Variants in EZH2 observed in about 807,000 individuals in gnomAD.
EZH2 encodes histone-lysine N-methyltransferase EZH2.
A neutral mutation model predicts 98.4 loss-of-function variants in EZH2; 18 were observed. The ratio of observed to expected loss-of-function variants is 0.18; its 90% CI spans 0.13 to 0.27. The LOEUF is 0.27. Ranked by LOEUF, EZH2 falls within the 10% of genes least tolerant of loss-of-function variation. EZH2 has a pLI of 1.00. For missense variants in EZH2, 470 were observed against 935.1 expected, an observed-to-expected ratio of 0.50 and a Z score of 6.49; for synonymous variants, 338 against 312.3, an observed-to-expected ratio of 1.08 and a Z score of -0.87.
At chr7:148,867,389 A>G (rs1818705403) in intron 1 of EZH2, among the ~76,000 whole-genome samples, 1 of 152,202 alleles carries the variant, frequency 6.6e-6, no homozygotes, top group Admixed American at 6.5e-5. Context: ...TTATACCAGC[A>G]CAAAACAGAT....
intron 1 of EZH2, among the ~76,000 whole-genome samples, chr7:148,867,715 T>C (rs1818744037): frequency 6.6e-6 from 1 of 152,226 alleles, no homozygotes; most frequent in Non-Finnish European, 1.5e-5. Flanking sequence ...GGCTGCAAAT[T>C]TTCTAAACTT....
intron 3 of EZH2, 67 bp from the exon 4 acceptor site, chr7:148,832,817 T>G: frequency 2.0e-6 from 2 of 976,726 alleles, no homozygotes; most frequent in Non-Finnish European, 3.1e-6. Context: ...AGCCATCATA[T>G]TGTAAAGAGA....
At chr7:148,816,634 G>T in intron 12 of EZH2, 50 bp downstream of exon 12, 1 of 1,396,582 alleles carries the variant, frequency 7.2e-7, no homozygotes, top group Non-Finnish European at 1.0e-6. Context: ...GGCCTTGCCT[G>T]CAGTGTCTAT....
intron 8 of EZH2, among the ~76,000 whole-genome samples, chr7:148,820,680 G>A (rs886877201): frequency 1.6e-4 from 24 of 152,094 alleles, no homozygotes; most frequent in African/African-American, 5.8e-4. Flanking sequence ...GCTGGATTAC[G>A]TTTGTTAAGG....
intron 11 of EZH2, 192 bp from the exon 12 acceptor site, chr7:148,816,970 T>A: frequency 1.7e-6 from 1 of 596,044 alleles, no homozygotes. Flanking sequence ...AGAACTGTGA[T>A]GCTAAATTTC....
At chr7:148,862,300 G>T (rs1817788573) in intron 1 of EZH2, among the ~76,000 whole-genome samples, 1 of 152,084 alleles carries the variant, frequency 6.6e-6, no homozygotes, top group Non-Finnish European at 1.5e-5. Flanking sequence ...AAAAAGTACT[G>T]GTCCACTGAG....
intron 1 of EZH2, among the ~76,000 whole-genome samples, chr7:148,871,983 C>T (rs1819481317): frequency 1.3e-5 from 2 of 152,184 alleles, no homozygotes; most frequent in Admixed American, 6.5e-5. Context: ...CAAAAGAATT[C>T]AAAGCAGGAT....
intron 8 of EZH2, among the ~76,000 whole-genome samples, chr7:148,825,680 A>G (rs1807495209): frequency 6.6e-6 from 1 of 152,212 alleles, no homozygotes; most frequent in South Asian, 2.1e-4. Flanking sequence ...ACAGGGGAAA[A>G]CGATTTTACA....
rs1426432952 is a variant in EZH2 at position 148,851,334 on chromosome 7, T to TA, written c.-7-4030dup. Among the ~76,000 whole-genome samples the TA allele has an allele frequency of 3.3e-5, 5 of 152,120 alleles. No individual in the cohort carries two copies. The East Asian group carries it at 9.6e-4, about 29-fold the overall frequency. ...AACTCAGTTTCCGGAATTTCTTTTT[T>TA]AAAAGGAAGCTGATATTGCCTTAAA... On this transcript the variant is annotated intron_variant, in intron 1 of 19. Transcript: ENST00000320356.
intron 3 of EZH2, among the ~76,000 whole-genome samples, chr7:148,833,688 T>C (rs534685978): frequency 6.6e-6 from 1 of 152,312 alleles, no homozygotes; most frequent in South Asian, 2.1e-4. Context: ...CTAAGTACTT[T>C]CTATGTGCTA....
At chr7:148,877,707 T>TTACC (rs989533405) in intron 1 of EZH2, among the ~76,000 whole-genome samples, 6 of 152,180 alleles carry the variant, frequency 3.9e-5, no homozygotes, top group African/African-American at 1.2e-4. Flanking sequence ...ATGCATACTA[T>TTACC]TACCACTCTG....
At position 148,829,804 on chromosome 7, in the gene EZH2, A is replaced by G. The variant is rs1201707887; in HGVS notation, c.408T>C (p.Asp136=). 6.2e-7 allele frequency: 1 copy of G among 1,602,084 alleles called. No individual in the cohort carries two copies. Among genetic ancestry groups the G allele is most frequent in the East Asian group, 2.2e-5 (1 of 44,644 alleles). The part of the protein sequence containing the change: ...TVLHNIPYMG[D]EVLDQDGTFI... ...AAGTACCATCCTGATCTAAAACTTC[A>G]TCTCCCATATAAGGAATGTTATGTA... is the stretch of plus-strand genomic sequence containing the variant. Residue 136 remains aspartate (D), a synonymous_variant, in exon 5 of 20, where the codon GAT becomes GAC. Coordinates refer to ENST00000320356, the MANE Select transcript of EZH2 (RefSeq NM_004456.5).
Position 148,829,359 on chromosome 7 carries a change from T to C in EZH2, c.484+369A>G, listed in dbSNP as rs376274504. Among the ~76,000 whole-genome samples, 19 of 152,248 alleles carry C rather than the reference T, an allele frequency of 1.2e-4. No homozygotes were observed. In the East Asian group the frequency reaches 1.5e-3, roughly 12 times the overall value. ...TCCCTAGAGGAGCGGTATTTTTTAG[T>C]AGTAGGGGCTGTTGGAGCCCCTATA... On this transcript the variant is annotated intron_variant, in intron 5 of 19. Transcript: ENST00000320356.
At chr7:148,864,954 C>T (rs1442533404) in intron 1 of EZH2, among the ~76,000 whole-genome samples, 1 of 151,932 alleles carries the variant, frequency 6.6e-6, no homozygotes, top group Non-Finnish European at 1.5e-5. Flanking sequence ...CGGTAAAACC[C>T]CATCTCTACT....
In EZH2 at chr7:148,814,016, A is replaced by G. The variant is rs1803886690; in HGVS notation, c.1794T>C (p.His598=). ...DLCLTCGAAD[H]WDSKNVSCKN... ...TGCAGGACACATTTTTACTGTCCCA[A>G]TGGTCAGCGGCTCCACAAGTAAGAC... Residue 598 remains histidine (H), a synonymous_variant, in exon 15 of 20, where the codon CAT becomes CAC. Coordinates refer to ENST00000320356, the MANE Select transcript of EZH2 (RefSeq NM_004456.5). The G allele has an allele frequency of 3.7e-6, 6 of 1,614,004 alleles. No individual in the cohort carries two copies. Among genetic ancestry groups the G allele is most frequent in the South Asian group, 1.1e-5 (1 of 91,084 alleles).
At chr7:148,855,459 GT>G (rs1816660846) in intron 1 of EZH2, among the ~76,000 whole-genome samples, 1 of 152,196 alleles carries the variant, frequency 6.6e-6, no homozygotes, top group Admixed American at 6.5e-5. Context: ...AGTTGGCCAA[GT>G]TACTGCACAT....
At position 148,814,061 on chromosome 7, in the gene EZH2, T is replaced by C; in HGVS notation, c.1749A>G (p.Arg583=). 5 of 1,614,196 alleles carry C rather than the reference T, an allele frequency of 3.1e-6. No homozygotes were observed. Among genetic ancestry groups the C allele is most frequent in the Admixed American group, 1.7e-5 (1 of 60,020 alleles). The change falls in exon 15 of 20, where the codon CGA becomes CGG. Residue 583 remains arginine (R), a synonymous_variant. Coordinates refer to ENST00000320356, the MANE Select transcript of EZH2 (RefSeq NM_004456.5). ...TKQCPCYLAV[R]ECDPDLCLTC... ...TAAGACAGAGGTCAGGGTCACACTCTCGGACAGCCAGGTAGCACGGGCACT... is the reference window on the plus strand; with the variant it reads ...TAAGACAGAGGTCAGGGTCACACTCCCGGACAGCCAGGTAGCACGGGCACT...
At position 148,837,359 on chromosome 7, in the gene EZH2, G is replaced by C. The variant is rs567403513; in HGVS notation, c.247-4609C>G. On this transcript the variant is annotated intron_variant, in intron 3 of 19. Coordinates refer to ENST00000320356, the MANE Select transcript of EZH2 (RefSeq NM_004456.5). ...TCCATGTGACAACAGCGAGGAAGGTGCAGGAAGGTCGGCACTCCAGGAAAG... is the reference window on the plus strand; with the variant it reads ...TCCATGTGACAACAGCGAGGAAGGTCCAGGAAGGTCGGCACTCCAGGAAAG... Among the ~76,000 whole-genome samples the C allele has an allele frequency of 6.0e-4, 92 of 152,324 alleles. 2 individuals are homozygous for C. The South Asian group carries it at 9.1e-3, about 15-fold the overall frequency.
At chr7:148,873,305 A>C (rs188712687) in intron 1 of EZH2, among the ~76,000 whole-genome samples, 2 of 152,206 alleles carry the variant, frequency 1.3e-5, no homozygotes, top group African/African-American at 4.8e-5. Context: ...CAGTCTGGCC[A>C]ACATAGTGAA....
Sources: allele counts gnomAD v4.1 joint callset (sites outside exome capture counted in the v4.1 genomes callset), GRCh38; gene constraint gnomAD v4.1.1; transcripts MANE v1.5; gene names NCBI Gene and HGNC (gene_info 2026-07-23, HGNC 2026-07-21).